Variants in BACE2 observed in about 807,000 individuals in gnomAD.
The protein encoded by BACE2 is 56 kDa aspartic-like protease.
In BACE2, 17 loss-of-function variants were observed where a neutral mutation model predicts 46.2. The ratio of observed to expected loss-of-function variants is 0.37; its 90% confidence interval spans 0.25 to 0.55. BACE2 has a LOEUF of 0.55. Among genes scored for constraint, BACE2 ranks in the 20% least tolerant of loss-of-function variants. The pLI, the probability that BACE2 is intolerant of heterozygous loss-of-function variation, is 0.82. For missense variants in BACE2, 595 were observed against 698.1 expected (o/e 0.85, Z 1.66); for synonymous variants, 277 against 295.9 (o/e 0.94, Z 0.66).
intron 1 of BACE2, among the ~76,000 whole-genome samples, chr21:41,216,753 G>T (rs968700065): frequency 1.3e-5 from 2 of 152,204 alleles, no homozygotes; most frequent in Non-Finnish European, 2.9e-5. Context: ...GTCTAGTTAC[G>T]CAGTCGCAGT....
At chr21:41,231,074 G>A (rs140586588) in intron 2 of BACE2, among the ~76,000 whole-genome samples, 27 of 152,264 alleles carry the variant, frequency 1.8e-4, no homozygotes, top group African/African-American at 6.3e-4. Context: ...TGTTTGTAAG[G>A]GACTTCTTTA....
chr21:41,235,961 T>A (rs1987105382), intron 2 of BACE2, among the ~76,000 whole-genome samples: 1 of 152,242 alleles, frequency 6.6e-6, no homozygotes, highest in African/African-American at 2.4e-5. Flanking sequence ...CAACAAAGAC[T>A]TATTAACACG....
intron 1 of BACE2, among the ~76,000 whole-genome samples, chr21:41,215,381 C>T (rs1483705640): frequency 6.6e-6 from 1 of 152,158 alleles, no homozygotes; most frequent in Admixed American, 6.5e-5. Flanking sequence ...AGGCCATTCT[C>T]CCTACTAGAT....
Position 41,168,369 on chromosome 21 carries a change from G to A in BACE2, c.106G>A (p.Ala36Thr). The A allele has an allele frequency of 1.4e-6, 2 of 1,394,708 alleles. No individual in the cohort carries two copies. Among genetic ancestry groups the A allele is most frequent in the Non-Finnish European group, 9.3e-7 (1 of 1,070,772 alleles). 86.4% of individuals were successfully genotyped at this position (1,394,708 alleles called of 1,614,324 possible). ...PAPFTLPLRV[A>T]AATNRVVAPT... is the part of the protein sequence containing the mutation. ...GCCCTTCACGCTGCCCCTCCGGGTG[G>A]CCGCGGCCACGAACCGCGTAGTTGC... Residue 36 changes from alanine to threonine, a missense_variant, in exon 1 of 9, where the codon GCC becomes ACC. By Grantham distance (58) the Ala-to-Thr change is moderately conservative (BLOSUM62 0). Transcript: ENST00000330333.
chr21:41,257,846 G>C (rs182142440), intron 8 of BACE2, among the ~76,000 whole-genome samples: 89 of 152,318 alleles, frequency 5.8e-4, no homozygotes, highest in Non-Finnish European at 1.0e-3. Context: ...AGTCTAGCTG[G>C]AGGGTTGGCA....
chr21:41,218,173 A>G (rs1352909419), intron 1 of BACE2, among the ~76,000 whole-genome samples: 10 of 152,228 alleles, frequency 6.6e-5, no homozygotes, highest in Admixed American at 5.2e-4. Flanking sequence ...AATATAAACA[A>G]TACAACTATA....
intron 8 of BACE2, among the ~76,000 whole-genome samples, chr21:41,257,755 A>C (rs1346541346): frequency 2.6e-5 from 4 of 152,218 alleles, no homozygotes; most frequent in Non-Finnish European, 5.9e-5. Flanking sequence ...TGAAATCCTA[A>C]TATAATGAGA....
At chr21:41,226,498 G>T in intron 2 of BACE2, 144 bp downstream of exon 2, 1 of 672,798 alleles carries the variant, frequency 1.5e-6, no homozygotes, top group Non-Finnish European at 2.6e-6. Flanking sequence ...ACACACATGT[G>T]GACATGTGTA....
intron 5 of BACE2, 34 bp from the exon 6 acceptor site, chr21:41,245,924 GTCAC>G (rs771739695): frequency 1.3e-6 from 2 of 1,522,366 alleles, no homozygotes; most frequent in South Asian, 1.2e-5. Context: ...GAGCGCCACT[GTCAC>G]TCACGCACCT....
At chr21:41,192,638 A>G (rs569620966) in intron 1 of BACE2, among the ~76,000 whole-genome samples, 2 of 152,300 alleles carry the variant, frequency 1.3e-5, no homozygotes, top group African/African-American at 2.4e-5. Context: ...AACAGCTCCA[A>G]TCAGCATCCC....
At position 41,277,950 on chromosome 21, in the gene BACE2, G is replaced by C. The variant is rs1398321691; in HGVS notation, c.*2326G>C. 1 of 152,178 alleles carries C rather than the reference G, an allele frequency of 6.6e-6. No individual in the cohort carries two copies. Among genetic ancestry groups the C allele is most frequent in the East Asian group, 1.9e-4 (1 of 5,206 alleles). 9.4% of individuals were successfully genotyped at this position (152,178 alleles called of 1,614,324 possible). A position where few individuals can be genotyped will look rare whatever the true frequency, so the allele number is the denominator to read the frequency against. On this transcript the variant is annotated 3_prime_UTR_variant, in exon 9 of 9. Transcript: ENST00000330333. ...AGAATGAGATAGACAATTGAATGTG[G>C]GACATTTTTCTGGCATGTCTTGCTG...
chr21:41,184,371 A>G (rs1182580094), intron 1 of BACE2: 1 of 167,052 alleles, frequency 6.0e-6, no homozygotes, highest in East Asian at 1.9e-4. Flanking sequence ...GGATGACAAT[A>G]TTTGTAAATC....
At chr21:41,214,733 A>G (rs183335702) in intron 1 of BACE2, among the ~76,000 whole-genome samples, 12 of 152,278 alleles carry the variant, frequency 7.9e-5, no homozygotes, top group African/African-American at 2.2e-4. Context: ...GTGAGCACCT[A>G]CTAGGCTCCC....
Position 41,257,333 on chromosome 21 carries a change from G to A in BACE2, c.1303+7G>A, listed in dbSNP as rs761825820. 2 of 1,612,398 alleles carry A rather than the reference G, an allele frequency of 1.2e-6. No individual in the cohort carries two copies. Among genetic ancestry groups the A allele is most frequent in the South Asian group, 1.1e-5 (1 of 90,990 alleles). On this transcript the variant is annotated splice_region_variant and intron_variant, in intron 8 of 8. Coordinates refer to ENST00000330333, the MANE Select transcript of BACE2 (RefSeq NM_012105.5). ...GCAGCGAGCCCCTGTGCAGGTGAGC[G>A]ATTCTGGCATCGAACAGGGATCCCC...
chr21:41,183,357 C>T (rs549067757), intron 1 of BACE2: 1 of 166,986 alleles, frequency 6.0e-6, no homozygotes, highest in Non-Finnish European at 1.5e-5. Flanking sequence ...TATGAGTGTT[C>T]TTTTATCTAT....
chr21:41,207,303 C>T (rs925474878), intron 1 of BACE2, among the ~76,000 whole-genome samples: 3 of 152,076 alleles, frequency 2.0e-5, no homozygotes, highest in African/African-American at 7.2e-5. Context: ...TCTACTTATC[C>T]CCCTCCCCAA....
chr21:41,254,705 G>A (rs1568888610), intron 7 of BACE2, among the ~76,000 whole-genome samples: 1 of 152,152 alleles, frequency 6.6e-6, no homozygotes, highest in African/African-American at 2.4e-5. Flanking sequence ...CATACTCTTG[G>A]CTCCAGGGAT....
chr21:41,168,762 A>G (rs1180194278), intron 1 of BACE2, among the ~76,000 whole-genome samples, 187 bp downstream of exon 1: 1 of 151,790 alleles, frequency 6.6e-6, no homozygotes, highest in East Asian at 2.0e-4. Flanking sequence ...GTCGCGGAGG[A>G]CGGCAGCCCC....
chr21:41,268,164 G>A (rs2088398449), intron 8 of BACE2, among the ~76,000 whole-genome samples: 1 of 152,178 alleles, frequency 6.6e-6, no homozygotes. Flanking sequence ...TAACTTGATT[G>A]TTCTTACAAG....
Sources: gnomAD v4.1 joint callset for allele counts (sites outside exome capture counted in the v4.1 genomes callset) on GRCh38, gnomAD v4.1.1 for gene constraint, MANE v1.5 for transcripts, NCBI Gene and HGNC (gene_info 2026-07-23, HGNC 2026-07-21) for gene names.